TRAT1: variants seen among roughly 807,000 people sequenced by gnomAD.
TRAT1 encodes T cell receptor associated transmembrane adaptor 1.
TRAT1 carries 20 observed loss-of-function variants against 20.0 expected under a neutral mutation model. The observed-to-expected ratio is 1.00, with a 90% confidence interval of 0.70 to 1.45. The LOEUF (loss-of-function observed/expected upper bound fraction) is 1.45. Among genes scored for constraint, TRAT1 ranks in the 40% most tolerant of loss-of-function variants. TRAT1 has a pLI of 0.00. For missense variants in TRAT1, 237 were observed against 224.1 expected, an observed-to-expected ratio of 1.06 and a Z score of -0.37; for synonymous variants, 77 against 74.2, an observed-to-expected ratio of 1.04 and a Z score of -0.20.
chr3:108,849,364 T>A, intron 5 of TRAT1, 110 bp downstream of exon 5: 1 of 854,374 alleles, frequency 1.2e-6, no homozygotes. Flanking sequence ...CAATCAGATG[T>A]CAAGTTCTGG....
rs1319080422 is a variant in TRAT1 at position 108,838,881 on chromosome 3, A to T, written c.119-53A>T. On this transcript the variant is annotated intron_variant, in intron 2 of 5. Coordinates refer to ENST00000295756, the MANE Select transcript of TRAT1 (RefSeq NM_016388.4). ...CCTCAGAACACACTTTAGAATATTT[A>T]ACAAAGGTATGTCAACATTTCTTTT... The T allele has an allele frequency of 2.9e-6, 4 of 1,372,090 alleles. No homozygotes were observed. In the African/African-American group the frequency reaches 5.7e-5, roughly 19 times the overall value. The allele number at this position is 1,372,090 out of a possible 1,614,324, so 85.0% of individuals were successfully genotyped here. A position where few individuals can be genotyped will look rare whatever the true frequency, so the allele number is the denominator to read the frequency against.
chr3:108,823,290 TA>T (rs746664127), intron 1 of TRAT1, among the ~76,000 whole-genome samples: 23 of 152,338 alleles, frequency 1.5e-4, no homozygotes, highest in Non-Finnish European at 3.1e-4. Context: ...AGTGTAATTC[TA>T]ATTCCTCAGA....
At chr3:108,832,569 A>G (rs184952166) in intron 2 of TRAT1, among the ~76,000 whole-genome samples, 27 of 152,194 alleles carry the variant, frequency 1.8e-4, no homozygotes, top group Non-Finnish European at 3.7e-4. Flanking sequence ...TTATAAATCC[A>G]GATAATATAT....
intron 3 of TRAT1, 154 bp downstream of exon 3, chr3:108,839,121 A>T: frequency 1.6e-6 from 1 of 622,038 alleles, no homozygotes; most frequent in East Asian, 2.9e-5. Context: ...TCTAAAGATC[A>T]GAAGCTATAA....
At chr3:108,823,004 G>A (rs1945706380) in intron 1 of TRAT1, 70 bp downstream of exon 1, 8 of 1,310,970 alleles carry the variant, frequency 6.1e-6, no homozygotes, top group African/African-American at 2.9e-5. Flanking sequence ...AAGTCCTAAC[G>A]AGAAGACCCT....
At chr3:108,842,936 A>G (rs1945908047) in intron 3 of TRAT1, among the ~76,000 whole-genome samples, 1 of 152,212 alleles carries the variant, frequency 6.6e-6, no homozygotes, top group African/African-American at 2.4e-5. Flanking sequence ...ATCACTTCAG[A>G]GACAACACTG....
At chr3:108,823,284 T>C (rs1346176181) in intron 1 of TRAT1, among the ~76,000 whole-genome samples, 1 of 152,258 alleles carries the variant, frequency 6.6e-6, no homozygotes, top group Non-Finnish European at 1.5e-5. Flanking sequence ...AGGATAAGTG[T>C]AATTCTAATT....
At chr3:108,846,760 G>A (rs1193854277) in intron 3 of TRAT1, among the ~76,000 whole-genome samples, 1 of 152,174 alleles carries the variant, frequency 6.6e-6, no homozygotes, top group Non-Finnish European at 1.5e-5. Flanking sequence ...AGAATTAAAT[G>A]AACAAACATA....
intron 1 of TRAT1, 66 bp from the exon 2 acceptor site, chr3:108,830,604 A>G: frequency 9.6e-7 from 1 of 1,045,420 alleles, no homozygotes; most frequent in Non-Finnish European, 1.5e-6. Context: ...AACTGTGGCA[A>G]TAGCCAGACC....
intron 5 of TRAT1, among the ~76,000 whole-genome samples, chr3:108,852,499 G>A (rs1444732574): frequency 1.3e-5 from 2 of 152,134 alleles, no homozygotes; most frequent in African/African-American, 4.8e-5. Flanking sequence ...ATGAAAACAA[G>A]TGCCAACGGG....
At chr3:108,844,843 CAAAAAAAAAAAAA>C (rs71103495) in intron 3 of TRAT1, among the ~76,000 whole-genome samples, 3 of 47,842 alleles carry the variant, frequency 6.3e-5, no homozygotes, top group South Asian at 8.7e-4. Flanking sequence ...GACTCTGTCT[CAAAAAAAAAAAAA>C]AAAAAAAAAA....
At chr3:108,849,977 T>C (rs1945982953) in intron 5 of TRAT1, among the ~76,000 whole-genome samples, 1 of 152,372 alleles carries the variant, frequency 6.6e-6, no homozygotes, top group East Asian at 1.9e-4. Context: ...TCTCAGATCC[T>C]GTCTTGTTAC....
chr3:108,823,197 T>C (rs1448449009), intron 1 of TRAT1, among the ~76,000 whole-genome samples: 1 of 152,226 alleles, frequency 6.6e-6, no homozygotes, highest in Non-Finnish European at 1.5e-5. Flanking sequence ...AATTATGCCA[T>C]GTGAAGTACT....
At chr3:108,836,022 C>T (rs1420749720) in intron 2 of TRAT1, among the ~76,000 whole-genome samples, 3 of 152,138 alleles carry the variant, frequency 2.0e-5, no homozygotes, top group South Asian at 2.1e-4. Flanking sequence ...TGGATTCAAG[C>T]GATTCCCCTG....
At chr3:108,830,888 T>C in intron 2 of TRAT1, 108 bp downstream of exon 2, 2 of 701,022 alleles carry the variant, frequency 2.9e-6, no homozygotes, top group Non-Finnish European at 5.0e-6. Context: ...TTCAACAGGA[T>C]ATTTTTATCT....
At chr3:108,841,307 C>T (rs1945895001) in intron 3 of TRAT1, among the ~76,000 whole-genome samples, 2 of 151,982 alleles carry the variant, frequency 1.3e-5, no homozygotes, top group Admixed American at 1.3e-4. Context: ...TATAAAAAAG[C>T]GTTGATATTT....
chr3:108,844,412 G>T (rs531596422), intron 3 of TRAT1, among the ~76,000 whole-genome samples: 1 of 151,282 alleles, frequency 6.6e-6, no homozygotes. Context: ...CTGCCTCCTG[G>T]GTTCACGCCA....
At chr3:108,832,826 A>T (rs75033960) in intron 2 of TRAT1, among the ~76,000 whole-genome samples, 1 of 152,152 alleles carries the variant, frequency 6.6e-6, no homozygotes, top group Non-Finnish European at 1.5e-5. Flanking sequence ...TTAATAGTCA[A>T]TTTTTTCAGT....
chr3:108,844,843 C>CAAAAAAAAA (rs71103495), intron 3 of TRAT1, among the ~76,000 whole-genome samples: 8 of 47,822 alleles, frequency 1.7e-4, no homozygotes, highest in African/African-American at 4.3e-4. Flanking sequence ...GACTCTGTCT[C>CAAAAAAAAA]AAAAAAAAAA....
Sources: gnomAD v4.1 joint callset for allele counts (sites outside exome capture counted in the v4.1 genomes callset) on GRCh38, gnomAD v4.1.1 for gene constraint, MANE v1.5 for transcripts, NCBI Gene and HGNC (gene_info 2026-07-23, HGNC 2026-07-21) for gene names.